The following CALCR variants were observed in gnomAD, a reference collection of about 807,000 sequenced individuals.
The protein encoded by CALCR is calcitonin receptor.
Under a neutral mutation model 59.5 loss-of-function variants are expected in CALCR, and 47 were observed. The ratio of observed to expected loss-of-function variants is 0.79; its 90% CI spans 0.63 to 1.01. CALCR has a LOEUF of 1.01. Ranked by LOEUF, CALCR falls within the 50% of genes least tolerant of loss-of-function variation. CALCR has a pLI of 0.00. For synonymous variants in CALCR, 213 were observed against 211.3 expected (o/e 1.01, Z -0.07); for missense variants, 566 against 597.1 (o/e 0.95, Z 0.54).
At chr7:93,561,914 T>C (rs1248985856) in intron 2 of CALCR, among the ~76,000 whole-genome samples, 1 of 149,352 alleles carries the variant, frequency 6.7e-6, no homozygotes, top group Non-Finnish European at 1.5e-5. Flanking sequence ...AGCTCTGTAG[T>C]TAGGTATTTT....
intron 2 of CALCR, among the ~76,000 whole-genome samples, chr7:93,548,262 G>T (rs1053766860): frequency 6.6e-6 from 1 of 152,128 alleles, no homozygotes; most frequent in Admixed American, 6.6e-5. Flanking sequence ...ATCTTTTGGG[G>T]ATATAAAGAA....
chr7:93,506,381 T>C (rs1013149424), intron 2 of CALCR, among the ~76,000 whole-genome samples: 2 of 152,158 alleles, frequency 1.3e-5, no homozygotes, highest in Non-Finnish European at 1.5e-5. Context: ...CTCCTGCAGG[T>C]GTGTTTCTCA....
At chr7:93,537,753 T>C (rs2116163913) in intron 2 of CALCR, among the ~76,000 whole-genome samples, 1 of 151,708 alleles carries the variant, frequency 6.6e-6, no homozygotes, top group African/African-American at 2.4e-5. Flanking sequence ...TACATATATA[T>C]ATAAACAATC....
Position 93,474,914 on chromosome 7 carries a change from T to C in CALCR, c.317-2427A>G, listed in dbSNP as rs548814069. Among the ~76,000 whole-genome samples the C allele has an allele frequency of 4.0e-5, 6 of 151,874 alleles. No homozygotes were observed. In the East Asian group the frequency reaches 9.7e-4, roughly 25 times the overall value. Reference sequence around the variant, plus strand: ...ACAGGATGTGGAAATCAGAATCATATGGTAATATTTGAAGAACACTGCTAT... The same window carrying C: ...ACAGGATGTGGAAATCAGAATCATACGGTAATATTTGAAGAACACTGCTAT... On this transcript the variant is annotated intron_variant, in intron 5 of 13. Transcript: ENST00000426151.
chr7:93,426,273 G>C lies in CALCR; in HGVS notation c.*83C>G. Reference sequence around the variant, plus strand: ...CACAAATGATATGTTCGGTTCCTGGGAGGATGGAGAATACTTTAAATGCAT... The same window carrying C: ...CACAAATGATATGTTCGGTTCCTGGCAGGATGGAGAATACTTTAAATGCAT... On this transcript the variant is annotated 3_prime_UTR_variant, in exon 14 of 14. Transcript: ENST00000426151. 1.3e-6 allele frequency: 1 copy of C among 786,192 alleles called. No homozygotes were observed. Among genetic ancestry groups the C allele is most frequent in the South Asian group, 1.5e-5 (1 of 67,106 alleles). The allele number at this position is 786,192 out of a possible 1,614,324, so 48.7% of individuals were successfully genotyped here.
chr7:93,456,649 A>C lies in CALCR; in HGVS notation c.648+4172T>G, dbSNP rs576642004. Among the ~76,000 whole-genome samples the C allele has an allele frequency of 2.0e-5, 3 of 152,238 alleles. No individual in the cohort carries two copies. In the South Asian group the frequency reaches 6.2e-4, roughly 32 times the overall value. On this transcript the variant is annotated intron_variant, in intron 8 of 13. Transcript: ENST00000426151. ...GGTCAATAAGTACTTGATTGATGGG[A>C]TAAAATTCTATCTTTAAAATGTTTT...
intron 3 of CALCR, among the ~76,000 whole-genome samples, chr7:93,480,002 A>G (rs1800759193): frequency 6.6e-6 from 1 of 151,898 alleles, no homozygotes; most frequent in African/African-American, 2.4e-5. Flanking sequence ...TATCCCATCT[A>G]TTCCATGGAA....
In CALCR at chr7:93,468,823, T is replaced by TAAAC. The variant is rs3835011; in HGVS notation, c.430-21_430-18dup. On this transcript the variant is annotated splice_polypyrimidine_tract_variant and intron_variant, in intron 6 of 13. Coordinates refer to ENST00000426151, the MANE Select transcript of CALCR (RefSeq NM_001742.4). The stretch of plus-strand genomic sequence containing the variant: ...ATATGCATTCTGGAACAACAAAAAG[T>TAAAC]AAACAAACAAACAATGAATGAATGA... 5.5e-5 allele frequency: 67 copies of TAAAC among 1,209,088 alleles called. No individual in the cohort carries two copies. Among genetic ancestry groups the TAAAC allele is most frequent in the African/African-American group, 1.5e-4 (10 of 64,636 alleles). The allele number at this position is 1,209,088 out of a possible 1,614,324, so 74.9% of individuals were successfully genotyped here.
chr7:93,440,347 T>C (rs920118656), intron 9 of CALCR, among the ~76,000 whole-genome samples: 3 of 152,198 alleles, frequency 2.0e-5, no homozygotes, highest in Non-Finnish European at 2.9e-5. Context: ...ATAAAGTTTC[T>C]GTGAAACTAT....
chr7:93,444,296 G>A (rs996829548), intron 8 of CALCR, among the ~76,000 whole-genome samples: 1 of 152,050 alleles, frequency 6.6e-6, no homozygotes. Flanking sequence ...GCCTTGGTTT[G>A]TATATTGGGA....
chr7:93,471,476 T>C (rs956391857), intron 6 of CALCR, among the ~76,000 whole-genome samples: 1 of 152,000 alleles, frequency 6.6e-6, no homozygotes, highest in African/African-American at 2.4e-5. Context: ...GTTATTTGTT[T>C]TGTTTTTAAT....
intron 2 of CALCR, among the ~76,000 whole-genome samples, chr7:93,501,544 T>C (rs1051757136): frequency 4.6e-5 from 7 of 152,096 alleles, no homozygotes; most frequent in Admixed American, 4.6e-4. Flanking sequence ...GATGGGATAA[T>C]AACTGAGAAG....
intron 2 of CALCR, among the ~76,000 whole-genome samples, chr7:93,545,692 A>AT (rs986807754): frequency 1.3e-5 from 2 of 151,734 alleles, no homozygotes; most frequent in African/African-American, 2.4e-5. Context: ...ACAGTATTAA[A>AT]TTTTTTTTTA....
Position 93,468,745 on chromosome 7 carries a change from A to C in CALCR, c.491T>G (p.Val164Gly). 1.2e-6 allele frequency: 2 copies of C among 1,610,610 alleles called. No homozygotes were observed. Among genetic ancestry groups the C allele is most frequent in the Non-Finnish European group, 1.7e-6 (2 of 1,177,768 alleles). Residue 164 changes from valine (V) to glycine (G), a missense_variant, in exon 7 of 14, where the codon GTG becomes GGG. Coordinates refer to ENST00000426151, the MANE Select transcript of CALCR (RefSeq NM_001742.4). The stretch of plus-strand genomic sequence containing the variant: ...AAACACGAAAATCCCCAGGGAAATC[A>C]CTAGGGTGAAAATTGACAAAGAATG... ...VGHSLSIFTL[V>G]ISLGIFVFFR... is the part of the protein sequence containing the mutation.
At chr7:93,480,256 C>T (rs1800764566) in intron 3 of CALCR, among the ~76,000 whole-genome samples, 1 of 151,898 alleles carries the variant, frequency 6.6e-6, no homozygotes, top group South Asian at 2.1e-4. Flanking sequence ...GAAAAGATCA[C>T]TCTGTCACAC....
chr7:93,486,305 A>G (rs771899937), intron 3 of CALCR, among the ~76,000 whole-genome samples: 6 of 151,666 alleles, frequency 4.0e-5, no homozygotes, highest in Non-Finnish European at 8.9e-5. Context: ...GTTCTCTAAG[A>G]TGATTATATT....
intron 2 of CALCR, among the ~76,000 whole-genome samples, chr7:93,564,385 C>T (rs1789812454): frequency 6.6e-6 from 1 of 151,900 alleles, no homozygotes; most frequent in Admixed American, 6.6e-5. Flanking sequence ...TAGTATAAAG[C>T]TTCTTCAAGG....
intron 13 of CALCR, among the ~76,000 whole-genome samples, chr7:93,429,263 A>T (rs1584529462): frequency 6.6e-6 from 1 of 152,216 alleles, no homozygotes; most frequent in Non-Finnish European, 1.5e-5. Flanking sequence ...TCACAGGTTG[A>T]GTCTGATGCT....
In CALCR at chr7:93,551,064, A is replaced by T. The variant is rs1789444537; in HGVS notation, c.-27+23225T>A. ...GTCTAAAATTAGCAAACCAACACAA[A>T]ACAAGATATAAAAGCTTGAAAATTA... On this transcript the variant is annotated intron_variant, in intron 2 of 13. Coordinates refer to ENST00000426151, the MANE Select transcript of CALCR (RefSeq NM_001742.4). Among the ~76,000 whole-genome samples, 4 of 152,332 alleles carry T rather than the reference A, an allele frequency of 2.6e-5. No individual in the cohort carries two copies. In the South Asian group the frequency reaches 8.3e-4, roughly 32 times the overall value.
Sources: allele counts gnomAD v4.1 joint callset (sites outside exome capture counted in the v4.1 genomes callset), GRCh38; gene constraint gnomAD v4.1.1; transcripts MANE v1.5; gene names NCBI Gene and HGNC (gene_info 2026-07-23, HGNC 2026-07-21).